ADGRD1: variants seen among roughly 807,000 people sequenced by gnomAD.
ADGRD1 encodes G-protein coupled receptor 133.
In ADGRD1, 77 loss-of-function variants were observed where a neutral mutation model predicts 113.4. That is an observed-to-expected ratio of 0.68 (90% CI 0.57 to 0.82). The LOEUF is 0.82. Ranked by LOEUF, ADGRD1 falls within the 40% of genes least tolerant of loss-of-function variation. The pLI, the probability that ADGRD1 is intolerant of heterozygous loss-of-function variation, is 0.00. For synonymous variants in ADGRD1, 474 were observed against 475.0 expected (o/e 1.00, Z 0.03); for missense variants, 1,036 against 1,139.1 (o/e 0.91, Z 1.30).
At chr12:131,111,547 T>G (rs1950346846) in intron 18 of ADGRD1, among the ~76,000 whole-genome samples, 1 of 152,250 alleles carries the variant, frequency 6.6e-6, no homozygotes, top group Admixed American at 6.5e-5. Context: ...GTTGGTGTGC[T>G]TAATGGTGTT....
chr12:131,002,569 C>T (rs1039052736), intron 9 of ADGRD1: 17 of 1,037,752 alleles, frequency 1.6e-5, no homozygotes, highest in Non-Finnish European at 1.7e-5. Context: ...AGAGAGGCCT[C>T]TCCCCTGGTG....
At chr12:131,064,686 C>T (rs1884580478) in intron 13 of ADGRD1, among the ~76,000 whole-genome samples, 1 of 152,222 alleles carries the variant, frequency 6.6e-6, no homozygotes, top group South Asian at 2.1e-4. Context: ...GAGGAAATGA[C>T]TCAATTGAGG....
rs1022422787 is a variant in ADGRD1 at position 131,075,800 on chromosome 12, G to C, written c.1474-1001G>C. 1.3e-5 allele frequency among the ~76,000 whole-genome samples: 2 copies of C among 152,204 alleles called. No individual in the cohort carries two copies. The highest frequency in any genetic ancestry group is 2.9e-5 in the Non-Finnish European group (2 of 68,030). On this transcript the variant is annotated intron_variant, in intron 13 of 24. Coordinates refer to ENST00000261654, the MANE Select transcript of ADGRD1 (RefSeq NM_198827.5). This position sits in a 1 kb window ranked among gnomAD's most constrained non-coding sequence, Gnocchi z 5.3. ...CCTGCACAAGTCAGTGCCTTCCTGA[G>C]GGCTGGTCACCCTGAAATGGGGGAA...
In ADGRD1 at chr12:130,954,312, C is replaced by T. The variant is rs1263335566; in HGVS notation, c.-154C>T. 1 of 606,296 alleles carries T rather than the reference C, an allele frequency of 1.6e-6. No homozygotes were observed. Among genetic ancestry groups the T allele is most frequent in the Non-Finnish European group, 2.8e-6 (1 of 351,482 alleles). 37.6% of individuals were successfully genotyped at this position (606,296 alleles called of 1,614,324 possible). A position where few individuals can be genotyped will look rare whatever the true frequency, so the allele number is the denominator to read the frequency against. On this transcript the variant is annotated 5_prime_UTR_variant, in exon 1 of 25. Coordinates refer to ENST00000261654, the MANE Select transcript of ADGRD1 (RefSeq NM_198827.5). This position sits in a 1 kb window ranked among gnomAD's most constrained non-coding sequence, Gnocchi z 4.7. Reference sequence around the variant, plus strand: ...AGAAACACCCATTAGGTCTCCAAGACAGCTGTGTTTCACAAACTTTAAGGA... The same window carrying T: ...AGAAACACCCATTAGGTCTCCAAGATAGCTGTGTTTCACAAACTTTAAGGA...
chr12:131,081,909 TC>T (rs1300508141), intron 14 of ADGRD1, among the ~76,000 whole-genome samples: 1 of 152,200 alleles, frequency 6.6e-6, no homozygotes, highest in Non-Finnish European at 1.5e-5. Flanking sequence ...CCACTTTTTT[TC>T]TAGACTGATA....
At chr12:131,034,071 G>T (rs887347125) in intron 13 of ADGRD1, among the ~76,000 whole-genome samples, 3 of 152,188 alleles carry the variant, frequency 2.0e-5, no homozygotes, top group African/African-American at 7.2e-5. Flanking sequence ...GCCCCCAGCT[G>T]CACACAGCAG....
rs192339131 is a variant in ADGRD1 at position 131,056,450 on chromosome 12, G to C, written c.1474-20351G>C. 4.7e-4 allele frequency among the ~76,000 whole-genome samples: 72 copies of C among 152,344 alleles called. No homozygotes were observed. The East Asian group carries it at 0.013, about 27-fold the overall frequency. On this transcript the variant is annotated intron_variant, in intron 13 of 24. Coordinates refer to ENST00000261654, the MANE Select transcript of ADGRD1 (RefSeq NM_198827.5). ...ACTCTGTCAAAATTCGGGGACAAGA[G>C]GCCAAGGTGGAGGGTTCCTCTGGGA...
At chr12:131,130,889 G>A (rs1050644128) in intron 20 of ADGRD1, among the ~76,000 whole-genome samples, 6 of 152,228 alleles carry the variant, frequency 3.9e-5, no homozygotes, top group African/African-American at 7.2e-5. Context: ...TGAGGCCGGC[G>A]AGGTAGAGCC....
chr12:131,013,220 G>A (rs1036299025), intron 12 of ADGRD1, among the ~76,000 whole-genome samples: 11 of 152,232 alleles, frequency 7.2e-5, no homozygotes, highest in African/African-American at 1.9e-4. Context: ...TGCAAGGGGC[G>A]GAAAACCCAT....
rs1593307229 is a variant in ADGRD1, at chr12:130,990,852, T to C, written c.746-162T>C. ...CTATACGGTCGACTCAGTCAGCTGA[T>C]TTCTTAGCCCATAATTTATCTCCAG... On this transcript the variant is annotated intron_variant, in intron 6 of 24. Transcript: ENST00000261654. The C allele has an allele frequency of 8.8e-6, 5 of 566,128 alleles. No homozygotes were observed. The East Asian group carries it at 1.2e-4, about 14-fold the overall frequency. 35.1% of individuals were successfully genotyped at this position (566,128 alleles called of 1,614,324 possible). A position where few individuals can be genotyped will look rare whatever the true frequency, so the allele number is the denominator to read the frequency against.
rs552353187 is a variant in ADGRD1, at chr12:131,123,039, G to GTTTTTTT, written c.2175+2154_2175+2160dup. ...ATTACATAATTGAATTACCTGGGGAGTTTTTTTTTTTTTTTTTTTTTTTTT... is the reference window on the plus strand; with the variant it reads ...ATTACATAATTGAATTACCTGGGGAGTTTTTTTTTTTTTTTTTTTTTTTTTTTTTTTT... On this transcript the variant is annotated intron_variant, in intron 20 of 24. Transcript: ENST00000261654. 1.8e-3 allele frequency among the ~76,000 whole-genome samples: 94 copies of GTTTTTTT among 51,354 alleles called. 1 individual carries two copies. The highest frequency in any genetic ancestry group is 3.1e-3 in the Admixed American group (9 of 2,866). The allele number at this position is 51,354 out of a possible 152,430, so 33.7% of individuals were successfully genotyped here. A position where few individuals can be genotyped will look rare whatever the true frequency, so the allele number is the denominator to read the frequency against.
chr12:131,079,429 G>A (rs192807384), intron 14 of ADGRD1, among the ~76,000 whole-genome samples: 21 of 152,158 alleles, frequency 1.4e-4, no homozygotes, highest in Non-Finnish European at 2.1e-4. Context: ...TTGTGTCTAC[G>A]TGCATGTTGG....
At chr12:131,056,843 T>C (rs1883904308) in intron 13 of ADGRD1, among the ~76,000 whole-genome samples, 1 of 152,146 alleles carries the variant, frequency 6.6e-6, no homozygotes, top group Admixed American at 6.6e-5. Context: ...CGCTTCTGGA[T>C]GCAAGCAGGT....
At chr12:131,020,175 G>A (rs3932401) in intron 13 of ADGRD1, among the ~76,000 whole-genome samples, 1,712 of 31,776 alleles carry the variant, frequency 0.054, 293 homozygotes, top group East Asian at 0.14. Flanking sequence ...GCAGGACCGC[G>A]AGCTCCATCC....
chr12:131,117,410 G>A (rs1025551883), intron 18 of ADGRD1, among the ~76,000 whole-genome samples: 2 of 152,220 alleles, frequency 1.3e-5, no homozygotes, highest in African/African-American at 4.8e-5. Context: ...ATGAGCTTAA[G>A]TAATATAATC....
At chr12:131,115,638 C>T (rs1358196510) in intron 18 of ADGRD1, among the ~76,000 whole-genome samples, 2 of 152,144 alleles carry the variant, frequency 1.3e-5, no homozygotes, top group Non-Finnish European at 2.9e-5. Flanking sequence ...TGAAGGTCAC[C>T]GTGTTGCAAA....
At chr12:131,032,294 T>C (rs1880861143) in intron 13 of ADGRD1, among the ~76,000 whole-genome samples, 1 of 152,134 alleles carries the variant, frequency 6.6e-6, no homozygotes, top group Non-Finnish European at 1.5e-5. Flanking sequence ...GTCTCACAGG[T>C]CCACAGCTTA....
chr12:130,997,703 G>A (rs1032754061), intron 8 of ADGRD1, among the ~76,000 whole-genome samples: 2 of 149,972 alleles, frequency 1.3e-5, no homozygotes, highest in East Asian at 2.0e-4. Flanking sequence ...GGGCAGAGAC[G>A]CTCCTCACTT....
rs761415522 is a variant in ADGRD1, at chr12:131,104,840, G to A, written c.1681G>A (p.Gly561Arg). The change falls in exon 16 of 25, where the codon GGA becomes AGA. Residue 561 changes from glycine (G) to arginine (R), a missense_variant. Gly to Arg is a moderately radical substitution (Grantham distance 125). Transcript: ENST00000261654. ...MQVVPLELAR[G>R]HQVALSSISY... ...GCTCTGCTCCCCGCAGCTTGCACGCGGACACCAGGTGGCGCTGTCGTCTAT... is the reference window on the plus strand; with the variant it reads ...GCTCTGCTCCCCGCAGCTTGCACGCAGACACCAGGTGGCGCTGTCGTCTAT... The A allele has an allele frequency of 1.9e-5, 29 of 1,547,748 alleles. No individual in the cohort carries two copies. The highest frequency in any genetic ancestry group is 1.7e-4 in the Middle Eastern group (1 of 5,916).
Sources: allele counts gnomAD v4.1 joint callset (sites outside exome capture counted in the v4.1 genomes callset), GRCh38; gene constraint gnomAD v4.1.1; non-coding constraint Gnocchi (gnomAD v3.1); transcripts MANE v1.5; gene names NCBI Gene and HGNC (gene_info 2026-07-23, HGNC 2026-07-21).